Variants in RIMS1 observed in about 807,000 individuals in gnomAD.
RIMS1 encodes regulating synaptic membrane exocytosis 1, also known as regulating synaptic membrane exocytosis protein 1.
In RIMS1, 83 loss-of-function variants were observed where a neutral mutation model predicts 214.1. That is an observed-to-expected ratio of 0.39 (90% CI 0.32 to 0.47). RIMS1 has a LOEUF of 0.47. Among genes scored for constraint, RIMS1 ranks in the 20% least tolerant of loss-of-function variants. The pLI is 0.99. For missense variants in RIMS1, 2,050 were observed against 2,161.8 expected, an observed-to-expected ratio of 0.95 and a Z score of 1.03; for synonymous variants, 793 against 786.8, an observed-to-expected ratio of 1.01 and a Z score of -0.13.
intron 4 of RIMS1, among the ~76,000 whole-genome samples, chr6:72,102,598 G>T (rs1275112205): frequency 1.3e-5 from 2 of 151,918 alleles, no homozygotes; most frequent in African/African-American, 4.8e-5. Flanking sequence ...TTATAGAAAG[G>T]CTTATAAAAG....
At chr6:72,307,398 T>C (rs2095265211) in intron 27 of RIMS1, 28 bp downstream of exon 27, 2 of 1,414,488 alleles carry the variant, frequency 1.4e-6, no homozygotes, top group East Asian at 2.4e-5. Context: ...CAACAAATAG[T>C]TTCCCTTTTA....
intron 28 of RIMS1, among the ~76,000 whole-genome samples, chr6:72,330,699 A>T (rs991620027): frequency 6.6e-6 from 1 of 151,752 alleles, no homozygotes; most frequent in Non-Finnish European, 1.5e-5. Context: ...GATAGGAATA[A>T]TTTTTCAAGA....
intron 2 of RIMS1, among the ~76,000 whole-genome samples, chr6:71,975,343 C>T (rs926398487): frequency 6.6e-6 from 1 of 152,080 alleles, no homozygotes; most frequent in Admixed American, 6.6e-5. Flanking sequence ...TTCTGTTAGA[C>T]CTGGGCAGAC....
chr6:72,012,723 G>A (rs1811243830), intron 2 of RIMS1, among the ~76,000 whole-genome samples: 1 of 152,164 alleles, frequency 6.6e-6, no homozygotes, highest in Admixed American at 6.6e-5. Context: ...CTTGGCATTG[G>A]TAAAGAATCT....
intron 26 of RIMS1, among the ~76,000 whole-genome samples, chr6:72,298,265 A>G (rs767383615): frequency 1.3e-5 from 2 of 152,016 alleles, no homozygotes; most frequent in African/African-American, 2.4e-5. Flanking sequence ...AGCACTTACT[A>G]TATGTCAGTG....
intron 2 of RIMS1, among the ~76,000 whole-genome samples, chr6:72,085,419 T>C (rs1478427215): frequency 6.6e-6 from 1 of 152,184 alleles, no homozygotes; most frequent in Non-Finnish European, 1.5e-5. Flanking sequence ...ATTCACAAAA[T>C]TGTAAGTTTT....
intron 6 of RIMS1, among the ~76,000 whole-genome samples, chr6:72,205,931 G>GA (rs2052820014): frequency 6.6e-6 from 1 of 152,046 alleles, no homozygotes; most frequent in Non-Finnish European, 1.5e-5. Context: ...ATACTTGAGG[G>GA]AAAGGGATTG....
intron 4 of RIMS1, among the ~76,000 whole-genome samples, chr6:72,115,344 A>G (rs1026614953): frequency 1.3e-5 from 2 of 151,968 alleles, no homozygotes; most frequent in Non-Finnish European, 2.9e-5. Flanking sequence ...ACCTAAATAC[A>G]TAATGTATAT....
rs529633756 is a variant in RIMS1, at chr6:72,327,293, G to A, written c.4131-6307G>A. On this transcript the variant is annotated intron_variant, in intron 28 of 33. Transcript: ENST00000521978. ...TGTAATTTATAATGTGGACCAAAGT[G>A]TTATTACCACCAGATCTCATTTTCC... 2.0e-5 allele frequency among the ~76,000 whole-genome samples: 3 copies of A among 151,832 alleles called. No homozygotes were observed. The South Asian group carries it at 6.2e-4, about 31-fold the overall frequency.
At chr6:71,916,545 G>T (rs1487513422) in intron 1 of RIMS1, among the ~76,000 whole-genome samples, 2 of 152,082 alleles carry the variant, frequency 1.3e-5, no homozygotes, top group African/African-American at 4.8e-5. Context: ...CTATCTTTGA[G>T]TAATTCTAAG....
chr6:71,952,546 G>T (rs1561956070), intron 1 of RIMS1, among the ~76,000 whole-genome samples: 1 of 152,214 alleles, frequency 6.6e-6, no homozygotes, highest in African/African-American at 2.4e-5. Context: ...ATGGAGGAAG[G>T]TGGTGTCCCC....
intron 2 of RIMS1, among the ~76,000 whole-genome samples, chr6:72,024,900 GTT>G (rs777214787): frequency 1.7e-4 from 17 of 98,662 alleles, no homozygotes; most frequent in Admixed American, 5.4e-4. Flanking sequence ...AAATCTGTGG[GTT>G]TTTTTTTTTT....
rs547319996 is a variant in RIMS1, at chr6:72,100,052, G to T, written c.471+66G>T. ...TTGTTGTGAACTTTATTAAGTGAAT[G>T]TTGCACCTAGTATTGTTAATAACTA... On this transcript the variant is annotated intron_variant, in intron 4 of 33. Transcript: ENST00000521978. The T allele has an allele frequency of 1.1e-4, 134 of 1,204,584 alleles. No homozygotes were observed. In the African/African-American group the frequency reaches 1.7e-3, roughly 16 times the overall value. 74.6% of individuals were successfully genotyped at this position (1,204,584 alleles called of 1,614,324 possible).
intron 23 of RIMS1, among the ~76,000 whole-genome samples, chr6:72,275,312 G>GT (rs1345945569): frequency 2.6e-5 from 4 of 151,586 alleles, no homozygotes; most frequent in Non-Finnish European, 5.9e-5. Flanking sequence ...AGTAGACGTG[G>GT]TATCTCAGAA....
intron 2 of RIMS1, among the ~76,000 whole-genome samples, chr6:72,008,240 G>A (rs1808648495): frequency 6.6e-6 from 1 of 152,070 alleles, no homozygotes; most frequent in African/African-American, 2.4e-5. Flanking sequence ...ATAAGTGAAG[G>A]AGAAATAAAA....
At chr6:72,013,579 G>A (rs1405882071) in intron 2 of RIMS1, among the ~76,000 whole-genome samples, 3 of 152,164 alleles carry the variant, frequency 2.0e-5, no homozygotes, top group Non-Finnish European at 4.4e-5. Flanking sequence ...CAGGAGAGAG[G>A]CAAGCAGTTT....
chr6:72,218,264 A>C lies in RIMS1; in HGVS notation c.1679-15509A>C, dbSNP rs561689218. ...TGCAGCCTGATGAGGACCTGGACGC[A>C]GAGAGGCACTGGGGCTCTCTGAAAG... On this transcript the variant is annotated intron_variant, in intron 6 of 33. Transcript: ENST00000521978. Among the ~76,000 whole-genome samples, 11 of 152,282 alleles carry C rather than the reference A, an allele frequency of 7.2e-5. No homozygotes were observed. The South Asian group carries it at 2.3e-3, about 32-fold the overall frequency.
chr6:72,214,463 G>A (rs1765663534), intron 6 of RIMS1, among the ~76,000 whole-genome samples: 1 of 152,012 alleles, frequency 6.6e-6, no homozygotes, highest in Admixed American at 6.6e-5. Context: ...GGCACTTTGG[G>A]GAACTCACGG....
intron 2 of RIMS1, among the ~76,000 whole-genome samples, chr6:71,992,572 C>T (rs1189227833): frequency 6.7e-6 from 1 of 148,748 alleles, no homozygotes; most frequent in Non-Finnish European, 1.5e-5. Flanking sequence ...TCTTCTTCTT[C>T]TTCTTCCTCT....
Sources: allele counts gnomAD v4.1 joint callset (sites outside exome capture counted in the v4.1 genomes callset), GRCh38; gene constraint gnomAD v4.1.1; transcripts MANE v1.5; gene names NCBI Gene and HGNC (gene_info 2026-07-23, HGNC 2026-07-21).